The following ARAP2 variants were observed in gnomAD, a reference collection of about 807,000 sequenced individuals.
The protein encoded by ARAP2 is arf-GAP with Rho-GAP domain, ANK repeat and PH domain-containing protein 2.
A neutral mutation model predicts 194.5 loss-of-function variants in ARAP2; 148 were observed. The observed-to-expected ratio is 0.76, with a 90% confidence interval of 0.67 to 0.87. ARAP2 has a LOEUF of 0.87. ARAP2 is among the 40% of genes least tolerant of loss of function. ARAP2 has a pLI of 0.00. For missense variants in ARAP2, 2,128 were observed against 1,989.7 expected (o/e 1.07, Z -1.32); for synonymous variants, 695 against 683.5 (o/e 1.02, Z -0.26).
chr4:36,094,999 C>T (rs937115558), intron 27 of ARAP2, among the ~76,000 whole-genome samples: 1 of 152,112 alleles, frequency 6.6e-6, no homozygotes, highest in Non-Finnish European at 1.5e-5. Context: ...TCATTAAAAT[C>T]CATTTTTGAT....
At chr4:36,046,608 G>A (rs994706786) in intron 4 of ARAP2, 2 of 152,166 alleles carry the variant, frequency 1.3e-5, no homozygotes, top group East Asian at 1.9e-4. Flanking sequence ...TTGAAGTGCT[G>A]TAGAAAATTA....
At position 36,111,184 on chromosome 4, in the gene ARAP2, GATTT is replaced by G. The variant is rs140583999; in HGVS notation, c.4156+2982_4156+2985del. Among the ~76,000 whole-genome samples, 1,079 of 151,742 alleles carry G rather than the reference GATTT, an allele frequency of 7.1e-3. 16 individuals carry two copies. The highest frequency in any genetic ancestry group is 0.025 in the African/African-American group (1,022 of 41,418). On this transcript the variant is annotated intron_variant, in intron 26 of 32. Transcript: ENST00000303965. ...CATTTTTTTACTGCATTACTTGGAG[GATTT>G]ATGTTTACATTAGCAAACACACCAA...
chr4:36,099,122 CG>C (rs988154419), intron 27 of ARAP2, among the ~76,000 whole-genome samples: 1 of 151,210 alleles, frequency 6.6e-6, no homozygotes, highest in African/African-American at 2.4e-5. Flanking sequence ...TCTCATCATT[CG>C]GCTCCCACTT....
rs909771952 is a variant in ARAP2, at chr4:36,159,455, C to G, written c.2493G>C (p.Leu831Phe). The part of the protein sequence containing the change: ...VKPDVLETMA[L>F]LFSGADVMCA... Reference sequence around the variant, plus strand: ...ACATGACATCTGCTCCACTGAACAGCAAAGCCATTGTTTCTAGAACATCCG... The same window carrying G: ...ACATGACATCTGCTCCACTGAACAGGAAAGCCATTGTTTCTAGAACATCCG... The change falls in exon 14 of 33, where the codon TTG (leucine) becomes TTC (phenylalanine). Residue 831 changes from leucine (L) to phenylalanine (F), a missense_variant. Transcript: ENST00000303965. 1 of 1,597,624 alleles carries G rather than the reference C, an allele frequency of 6.3e-7. No individual in the cohort carries two copies. Among genetic ancestry groups the G allele is most frequent in the Admixed American group, 1.7e-5 (1 of 58,994 alleles).
intron 29 of ARAP2, 137 bp from the exon 30 acceptor site, chr4:36,082,423 T>C (rs1392734252): frequency 1.2e-6 from 1 of 848,134 alleles, no homozygotes; most frequent in African/African-American, 1.7e-5. Context: ...ATTCAATGTG[T>C]TGGACTTAGC....
intron 2 of ARAP2, 50 bp from the exon 3 acceptor site, chr4:36,214,530 T>G (rs750836217): frequency 1.6e-6 from 2 of 1,232,474 alleles, no homozygotes; most frequent in Non-Finnish European, 2.3e-6. Flanking sequence ...TTTATGATAT[T>G]TATGAGTAAA....
At chr4:36,147,087 T>C (rs1729803120) in intron 19 of ARAP2, among the ~76,000 whole-genome samples, 1 of 152,034 alleles carries the variant, frequency 6.6e-6, no homozygotes. Flanking sequence ...TCACAATAAG[T>C]TTGTCATAAA....
intron 6 of ARAP2, among the ~76,000 whole-genome samples, chr4:36,208,700 T>C (rs1017415685): frequency 2.0e-5 from 3 of 152,214 alleles, no homozygotes; most frequent in African/African-American, 7.2e-5. Context: ...GCATGCCTTT[T>C]GGCCAGCTAC....
At chr4:36,201,010 G>A (rs73127491) in intron 6 of ARAP2, among the ~76,000 whole-genome samples, 3,169 of 152,254 alleles carry the variant, frequency 0.021, 99 homozygotes, top group African/African-American at 0.07. Flanking sequence ...ATAATGATGC[G>A]TTATTACACA....
intron 9 of ARAP2, among the ~76,000 whole-genome samples, chr4:36,176,177 T>A (rs1737866073): frequency 6.6e-6 from 1 of 152,220 alleles, no homozygotes; most frequent in South Asian, 2.1e-4. Context: ...AACTCAACTC[T>A]GCATTATAAA....
At chr4:36,135,116 T>C (rs1312411075) in intron 19 of ARAP2, among the ~76,000 whole-genome samples, 3 of 151,756 alleles carry the variant, frequency 2.0e-5, no homozygotes, top group South Asian at 4.1e-4. Context: ...AAACTAATTG[T>C]TGATGTATTT....
At position 36,031,556 on chromosome 4, in the gene ARAP2, C is replaced by T. The variant is rs573895778; in HGVS notation, n.608-12270G>A. ...AACATAACAAATACCTATACCATGCCTCTTAACCAGAAAGCTAAATTGGAT... is the reference window on the plus strand; with the variant it reads ...AACATAACAAATACCTATACCATGCTTCTTAACCAGAAAGCTAAATTGGAT... On this transcript the variant is annotated intron_variant and non_coding_transcript_variant, in intron 5 of 12. Coordinates refer to the ARAP2 transcript ENST00000503225. Among the ~76,000 whole-genome samples the T allele has an allele frequency of 2.0e-5, 3 of 152,204 alleles. No homozygotes were observed. In the South Asian group the frequency reaches 6.2e-4, roughly 32 times the overall value.
intron 7 of ARAP2, among the ~76,000 whole-genome samples, chr4:36,188,592 G>A (rs1262007875): frequency 1.3e-5 from 2 of 152,132 alleles, no homozygotes; most frequent in East Asian, 1.9e-4. Context: ...CAACAACATA[G>A]AGTCAAAAGA....
chr4:36,066,166 T>G lies in ARAP2; in HGVS notation c.*1741A>C, dbSNP rs1360317439. 2.0e-5 allele frequency: 3 copies of G among 152,178 alleles called. No individual in the cohort carries two copies. Among genetic ancestry groups the G allele is most frequent in the Non-Finnish European group, 4.4e-5 (3 of 68,016 alleles). 9.4% of individuals were successfully genotyped at this position (152,178 alleles called of 1,614,324 possible). On this transcript the variant is annotated 3_prime_UTR_variant, in exon 33 of 33. Transcript: ENST00000303965. ...TCAAGAAGAATTCAGATAAGGCAGG[T>G]AAAAACTCTAGATACTTTTCCACTG...
chr4:36,053,121 C>T (rs905539945), intron 2 of ARAP2, among the ~76,000 whole-genome samples: 5 of 151,888 alleles, frequency 3.3e-5, no homozygotes, highest in African/African-American at 1.2e-4. Context: ...GATTCTCTGC[C>T]TCAGCCTCCT....
intron 5 of ARAP2, among the ~76,000 whole-genome samples, chr4:36,044,793 A>G (rs1184948280): frequency 3.3e-5 from 5 of 152,154 alleles, no homozygotes; most frequent in Admixed American, 6.6e-5. Context: ...TTTTCAAATT[A>G]TGCATCTGAT....
rs190747485 is a variant in ARAP2, at chr4:36,069,044, G to C, written c.4744-766C>G. ...AGGTTTCTATTTTTTTTTTCCTTTT[G>C]TTTAATTAGTTCACTGAAGTGTGAG... On this transcript the variant is annotated intron_variant, in intron 32 of 32. Transcript: ENST00000303965. 1.1e-3 allele frequency among the ~76,000 whole-genome samples: 159 copies of C among 151,170 alleles called. 2 individuals are homozygous for C. The highest frequency in any genetic ancestry group is 1.5e-4 in the Non-Finnish European group (10 of 67,766).
intron 1 of ARAP2, among the ~76,000 whole-genome samples, chr4:36,234,014 T>C (rs1014979612): frequency 2.0e-5 from 3 of 152,224 alleles, no homozygotes; most frequent in African/African-American, 7.2e-5. Flanking sequence ...ATAAACCCAT[T>C]GTATGCTGCA....
At position 36,229,471 on chromosome 4, in the gene ARAP2, C is replaced by T. The variant is rs1751013063; in HGVS notation, c.16G>A (p.Glu6Lys). The T allele has an allele frequency of 6.2e-7, 1 of 1,608,418 alleles. No homozygotes were observed. The highest frequency in any genetic ancestry group is 1.3e-5 in the African/African-American group (1 of 74,794). The change falls in exon 2 of 33, where the codon GAA becomes AAA. Residue 6 changes from glutamate to lysine, a missense_variant. Glu to Lys is a moderately conservative substitution (Grantham distance 56). Transcript: ENST00000303965. Reference protein sequence around the residue: MSSVSEVNVDIKDFLM... With the variant: MSSVSKVNVDIKDFLM... The stretch of plus-strand genomic sequence containing the variant: ...AAATCTTTTATATCCACATTTACTT[C>T]ACTGACTGAGGACATAATGGTGGCT...
Sources: gnomAD v4.1 joint callset for allele counts (sites outside exome capture counted in the v4.1 genomes callset) on GRCh38, gnomAD v4.1.1 for gene constraint, MANE v1.5 for transcripts, NCBI Gene and HGNC (gene_info 2026-07-23, HGNC 2026-07-21) for gene names.